GALNT13: variants seen among roughly 807,000 people sequenced by gnomAD.
The protein encoded by GALNT13 is UDP-GalNAc:polypeptide N-acetylgalactosaminyltransferase 13.
A neutral mutation model predicts 64.2 loss-of-function variants in GALNT13; 28 were observed. That is an observed-to-expected ratio of 0.44 (90% confidence interval 0.32 to 0.60). The LOEUF (loss-of-function observed/expected upper bound fraction) is 0.60. Among genes scored for constraint, GALNT13 ranks in the 20% least tolerant of loss-of-function variants. The probability of loss-of-function intolerance (pLI) is 0.05; values close to 1 mark genes in which losing one functional copy is unlikely to be tolerated. For synonymous variants in GALNT13, 214 were observed against 224.6 expected (o/e 0.95, Z 0.42); for missense variants, 577 against 669.8 (o/e 0.86, Z 1.53).
the GALNT13 span, among the ~76,000 whole-genome samples, chr2:153,577,858 G>T: frequency 1.8e-4 from 27 of 150,536 alleles, no homozygotes; most frequent in African/African-American, 5.6e-4. Flanking sequence ...TATGGATATT[G>T]AATGAACTTT....
chr2:154,027,097 A>T (rs575664825), intron 3 of GALNT13, among the ~76,000 whole-genome samples: 1 of 152,284 alleles, frequency 6.6e-6, no homozygotes, highest in South Asian at 2.1e-4. Context: ...GTATTAAATG[A>T]TATGTAGAAT....
chr2:153,959,827 C>A lies in GALNT13; in HGVS notation c.142+15188C>A, dbSNP rs1417095752. Among the ~76,000 whole-genome samples the A allele has an allele frequency of 3.9e-5, 6 of 152,162 alleles. No individual in the cohort carries two copies. The East Asian group carries it at 9.7e-4, about 25-fold the overall frequency. On this transcript the variant is annotated intron_variant, in intron 3 of 12. Transcript: ENST00000392825. ...CACAAACCAGATGGCACTATGGCTGCCCCCCACCAATGGACTTTACTGCTG... is the reference window on the plus strand; with the variant it reads ...CACAAACCAGATGGCACTATGGCTGACCCCCACCAATGGACTTTACTGCTG...
chr2:154,168,511 A>G (rs1225791989), intron 4 of GALNT13, among the ~76,000 whole-genome samples: 5 of 152,018 alleles, frequency 3.3e-5, no homozygotes, highest in African/African-American at 1.2e-4. Flanking sequence ...TGTTGCTACA[A>G]AGGAAAACTT....
At chr2:153,605,647 C>T in the GALNT13 span, among the ~76,000 whole-genome samples, 1 of 151,938 alleles carries the variant, frequency 6.6e-6, no homozygotes, top group African/African-American at 2.4e-5. Flanking sequence ...TTACTTTTAC[C>T]TAGAGTAAAA....
chr2:153,268,523 G>C, the GALNT13 span, among the ~76,000 whole-genome samples: 2 of 152,306 alleles, frequency 1.3e-5, no homozygotes, highest in East Asian at 3.9e-4. Flanking sequence ...CATGATGCAA[G>C]CTGTCAGTGG....
chr2:153,474,448 T>C, the GALNT13 span, among the ~76,000 whole-genome samples: 1 of 152,198 alleles, frequency 6.6e-6, no homozygotes, highest in Non-Finnish European at 1.5e-5. Context: ...TCAGAAATCA[T>C]GGACCATCTA....
the GALNT13 span, among the ~76,000 whole-genome samples, chr2:153,415,944 G>A: frequency 6.6e-6 from 1 of 152,184 alleles, no homozygotes; most frequent in Non-Finnish European, 1.5e-5. Flanking sequence ...TGCCATAGCA[G>A]CAGACACAAC....
At chr2:153,977,079 G>A (rs1006818015) in intron 3 of GALNT13, among the ~76,000 whole-genome samples, 2 of 152,052 alleles carry the variant, frequency 1.3e-5, no homozygotes, top group Non-Finnish European at 1.5e-5. Context: ...AGCAATGAAA[G>A]CAAGCTTTGT....
At chr2:153,943,386 T>G (rs1190335730) in intron 2 of GALNT13, among the ~76,000 whole-genome samples, 2 of 152,190 alleles carry the variant, frequency 1.3e-5, no homozygotes, top group Admixed American at 6.5e-5. Flanking sequence ...TCAGCTGGGA[T>G]TTTAGAGGCT....
chr2:153,827,230 T>C, the GALNT13 span, among the ~76,000 whole-genome samples: 1 of 152,064 alleles, frequency 6.6e-6, no homozygotes, highest in Non-Finnish European at 1.5e-5. Flanking sequence ...CTCACTATCA[T>C]GAGAACAGCA....
the GALNT13 span, among the ~76,000 whole-genome samples, chr2:153,554,419 G>T: frequency 4.9e-4 from 75 of 152,226 alleles, 1 homozygote; most frequent in East Asian, 0.012. Context: ...TAGGGCATTT[G>T]GTATTATACA....
chr2:153,355,489 T>G, the GALNT13 span, among the ~76,000 whole-genome samples: 51 of 152,308 alleles, frequency 3.3e-4, no homozygotes, highest in East Asian at 8.9e-3. Flanking sequence ...TTCAGTTGTT[T>G]CTGTTTGTGA....
the GALNT13 span, among the ~76,000 whole-genome samples, chr2:153,519,470 G>T: frequency 6.6e-6 from 1 of 152,130 alleles, no homozygotes. Flanking sequence ...GGATTGCAGC[G>T]CCACCTGCTG....
chr2:153,104,549 T>C, the GALNT13 span, among the ~76,000 whole-genome samples: 1 of 152,192 alleles, frequency 6.6e-6, no homozygotes, highest in South Asian at 2.1e-4. Flanking sequence ...TGTACATGTT[T>C]GGACTCTTTA....
chr2:153,352,885 G>A, the GALNT13 span, among the ~76,000 whole-genome samples: 1 of 152,014 alleles, frequency 6.6e-6, no homozygotes, highest in Non-Finnish European at 1.5e-5. Context: ...GTTGGAGAAT[G>A]TCAATCTGCC....
At chr2:153,768,119 A>C in the GALNT13 span, among the ~76,000 whole-genome samples, 1 of 152,102 alleles carries the variant, frequency 6.6e-6, no homozygotes, top group African/African-American at 2.4e-5. Flanking sequence ...AATTTTGTTT[A>C]TCCATTCAAA....
chr2:153,577,907 T>C, the GALNT13 span, among the ~76,000 whole-genome samples: 2 of 151,088 alleles, frequency 1.3e-5, no homozygotes, highest in African/African-American at 4.8e-5. Context: ...TGTCTTTATA[T>C]ATATATATAT....
chr2:153,966,372 C>CTT (rs35037727), intron 3 of GALNT13, among the ~76,000 whole-genome samples: 66 of 145,740 alleles, frequency 4.5e-4, no homozygotes, highest in South Asian at 1.5e-3. Flanking sequence ...TGTTGGGATT[C>CTT]TTTTTTTTTT....
At chr2:153,095,566 T>C in the GALNT13 span, among the ~76,000 whole-genome samples, 1 of 152,342 alleles carries the variant, frequency 6.6e-6, no homozygotes, top group Middle Eastern at 3.4e-3. Flanking sequence ...TAAATCATGC[T>C]GCTATAAAGA....
Sources: gnomAD v4.1 joint callset for allele counts (sites outside exome capture counted in the v4.1 genomes callset) on GRCh38, gnomAD v4.1.1 for gene constraint, MANE v1.5 for transcripts, NCBI Gene and HGNC (gene_info 2026-07-23, HGNC 2026-07-21) for gene names.